DPY30: variants seen among roughly 807,000 people sequenced by gnomAD.
DPY30 encodes dpy-30 histone methyltransferase complex regulatory subunit.
A neutral mutation model predicts 16.2 loss-of-function variants in DPY30; 6 were observed. That is an observed-to-expected ratio of 0.37 (90% CI 0.20 to 0.73). The LOEUF (loss-of-function observed/expected upper bound fraction) is 0.73. DPY30 is among the 30% of genes least tolerant of loss of function. The pLI, the probability that DPY30 is intolerant of heterozygous loss-of-function variation, is 0.51. For synonymous variants in DPY30, 39 were observed against 38.8 expected (o/e 1.00, Z -0.02); for missense variants, 73 against 113.1 (o/e 0.65, Z 1.61).
At chr2:32,014,627 G>T (rs1339351846) in intron 5 of DPY30, among the ~76,000 whole-genome samples, 1 of 152,094 alleles carries the variant, frequency 6.6e-6, no homozygotes, top group African/African-American at 2.4e-5. Flanking sequence ...GGGACTACAG[G>T]CGCCCACCAC....
intron 5 of DPY30, among the ~76,000 whole-genome samples, chr2:32,017,895 G>A (rs1675094402): frequency 6.6e-6 from 1 of 152,152 alleles, no homozygotes. Flanking sequence ...ATCTTTCAGA[G>A]GTAATTCAGT....
At chr2:32,039,249 C>A (rs1573011661) in intron 3 of DPY30, 30 bp downstream of exon 3, 1 of 1,614,112 alleles carries the variant, frequency 6.2e-7, no homozygotes. Flanking sequence ...AGAGACAACA[C>A]AGATGAGGCA....
intron 5 of DPY30, among the ~76,000 whole-genome samples, chr2:32,015,184 C>A (rs1431678755): frequency 6.6e-6 from 1 of 152,042 alleles, no homozygotes; most frequent in African/African-American, 2.4e-5. Context: ...CCACAACTAA[C>A]AGCTTTAGAA....
chr2:32,013,597 T>A (rs1241698688), intron 5 of DPY30, among the ~76,000 whole-genome samples: 1 of 152,258 alleles, frequency 6.6e-6, no homozygotes, highest in Non-Finnish European at 1.5e-5. Flanking sequence ...TTATTATCAA[T>A]AATTTCCATT....
At chr2:32,018,711 C>A (rs1675108718) in intron 5 of DPY30, among the ~76,000 whole-genome samples, 1 of 151,118 alleles carries the variant, frequency 6.6e-6, no homozygotes, top group Non-Finnish European at 1.5e-5. Flanking sequence ...GAGAGCGAGA[C>A]TCCATCTCAA....
Position 32,039,722 on chromosome 2 carries a change from G to T in DPY30, c.-37+11C>A. ...AATAAGTGAGAAAGTGGGGGAAAGGGAGCTGATTACCCGCGCCCAAGCCGT... is the reference window on the plus strand; with the variant it reads ...AATAAGTGAGAAAGTGGGGGAAAGGTAGCTGATTACCCGCGCCCAAGCCGT... On this transcript the variant is annotated intron_variant, in intron 1 of 4. Transcript: ENST00000342166. 1.7e-6 allele frequency: 1 copy of T among 572,124 alleles called. No individual in the cohort carries two copies. 35.4% of individuals were successfully genotyped at this position (572,124 alleles called of 1,614,324 possible). A position where few individuals can be genotyped will look rare whatever the true frequency, so the allele number is the denominator to read the frequency against.
chr2:32,034,874 C>T (rs1444924514), intron 3 of DPY30, among the ~76,000 whole-genome samples: 1 of 152,048 alleles, frequency 6.6e-6, no homozygotes, highest in Non-Finnish European at 1.5e-5. Flanking sequence ...TGGCACATGC[C>T]TGTGATTCCA....
intron 5 of DPY30, among the ~76,000 whole-genome samples, chr2:32,015,913 G>A (rs899942526): frequency 6.6e-6 from 1 of 151,266 alleles, no homozygotes; most frequent in Non-Finnish European, 1.5e-5. Context: ...TTTGTTTTGA[G>A]ACAGAGTCTT....
chr2:32,012,066 G>C (rs929390591), intron 5 of DPY30: 1 of 151,802 alleles, frequency 6.6e-6, no homozygotes, highest in Non-Finnish European at 1.5e-5. Flanking sequence ...TCTCAAAAAA[G>C]AAAAGAAAAA....
chr2:32,012,405 CCTCT>C (rs1047824603), intron 5 of DPY30, among the ~76,000 whole-genome samples: 15 of 148,290 alleles, frequency 1.0e-4, no homozygotes, highest in Middle Eastern at 3.2e-3. Context: ...GTATCCAAAA[CCTCT>C]CTCTTTTTTC....
chr2:32,024,186 A>G lies in DPY30; in HGVS notation c.298T>C (p.Ter100ArgextTer9), dbSNP rs2148655940. The change falls in exon 5 of 5, where the codon TGA (stop) becomes CGA (arginine). Residue 100 changes from the stop codon to arginine, a stop_lost. Transcript: ENST00000342166. ...KNKAQFEDRN* is the reference protein window; with the variant it reads ...KNKAQFEDRNR The stretch of plus-strand genomic sequence containing the variant: ...ATTTTTCTGTTCTTCCCATTAAGTC[A>G]GTTTCGATCTTCAAACTGTGCCTTG... 1 of 1,611,694 alleles carries G rather than the reference A, an allele frequency of 6.2e-7. No individual in the cohort carries two copies. The highest frequency in any genetic ancestry group is 8.5e-7 in the Non-Finnish European group (1 of 1,178,848).
chr2:32,033,645 C>G (rs1454996101), intron 3 of DPY30, among the ~76,000 whole-genome samples: 1 of 152,214 alleles, frequency 6.6e-6, no homozygotes, highest in Non-Finnish European at 1.5e-5. Context: ...GCACTCCAGC[C>G]CAGCAACAAG....
At chr2:32,021,374 A>G (rs1189399041), downstream of DPY30, among the ~76,000 whole-genome samples, 1 of 151,644 alleles carries the variant, frequency 6.6e-6, no homozygotes, top group Non-Finnish European at 1.5e-5. Context: ...CAGGTATCAG[A>G]ATGCCTTAAA....
chr2:32,036,267 G>A (rs943829444), intron 3 of DPY30, among the ~76,000 whole-genome samples: 9 of 151,874 alleles, frequency 5.9e-5, no homozygotes, highest in South Asian at 4.2e-4. Flanking sequence ...CATGAGTCAC[G>A]TCCCATGGCA....
intron 3 of DPY30, among the ~76,000 whole-genome samples, chr2:32,036,978 G>A (rs1004397262): frequency 2.0e-5 from 3 of 152,134 alleles, no homozygotes; most frequent in East Asian, 1.9e-4. Flanking sequence ...ATTTATTGAC[G>A]AGCAAAGATA....
At chr2:32,016,602 G>A (rs576625328) in intron 5 of DPY30, among the ~76,000 whole-genome samples, 2 of 152,094 alleles carry the variant, frequency 1.3e-5, no homozygotes, top group Admixed American at 1.3e-4. Flanking sequence ...GAACTAGGTA[G>A]ATTGATCTCC....
At chr2:32,013,904 A>T (rs1675014828) in intron 5 of DPY30, among the ~76,000 whole-genome samples, 1 of 152,168 alleles carries the variant, frequency 6.6e-6, no homozygotes, top group African/African-American at 2.4e-5. Context: ...GCAACTCGGG[A>T]GGCTGAGGCA....
At chr2:32,028,777 G>A (rs781385923) in intron 4 of DPY30, among the ~76,000 whole-genome samples, 2 of 151,430 alleles carry the variant, frequency 1.3e-5, no homozygotes, top group African/African-American at 4.9e-5. Context: ...GCGACAGAGC[G>A]AGACTCCAAA....
chr2:32,013,737 C>T (rs531703856), intron 5 of DPY30, among the ~76,000 whole-genome samples: 2 of 152,146 alleles, frequency 1.3e-5, no homozygotes, highest in African/African-American at 4.8e-5. Flanking sequence ...AGGCCGGGCG[C>T]GGTGGCTCCT....
Sources: gnomAD v4.1 joint callset for allele counts (sites outside exome capture counted in the v4.1 genomes callset) on GRCh38, gnomAD v4.1.1 for gene constraint, MANE v1.5 for transcripts, NCBI Gene and HGNC (gene_info 2026-07-23, HGNC 2026-07-21) for gene names.